The following MYO3B variants were observed in gnomAD, a reference collection of about 807,000 sequenced individuals.
MYO3B encodes myosin IIIB, also known as myosin-IIIb.
In MYO3B, 156 loss-of-function variants were observed where a neutral mutation model predicts 174.6. That is an observed-to-expected ratio of 0.89 (90% confidence interval 0.78 to 1.02). The LOEUF (loss-of-function observed/expected upper bound fraction) is 1.02, where lower values mean the gene tolerates loss of function less well. MYO3B is among the 50% of genes least tolerant of loss of function. The pLI, the probability that MYO3B is intolerant of heterozygous loss-of-function variation, is 0.00. For missense variants in MYO3B, 1,632 were observed against 1,639.4 expected (o/e 1.00, Z 0.08); for synonymous variants, 563 against 569.1 (o/e 0.99, Z 0.15).
chr2:170,424,406 C>A (rs994654641), intron 22 of MYO3B, among the ~76,000 whole-genome samples: 4 of 152,124 alleles, frequency 2.6e-5, no homozygotes, highest in Admixed American at 1.3e-4. Context: ...ATCACAAGGT[C>A]AAGAGTTTGA....
intron 6 of MYO3B, among the ~76,000 whole-genome samples, chr2:170,231,901 C>T (rs1017289013): frequency 6.6e-6 from 1 of 152,142 alleles, no homozygotes; most frequent in African/African-American, 2.4e-5. Context: ...TATTTATTTC[C>T]ACCTTACCAC....
intron 7 of MYO3B, among the ~76,000 whole-genome samples, chr2:170,251,165 C>T (rs1427177510): frequency 6.6e-6 from 1 of 152,042 alleles, no homozygotes; most frequent in Non-Finnish European, 1.5e-5. Context: ...TTGTTTGTCC[C>T]TTCACGATTT....
At position 170,358,962 on chromosome 2, in the gene MYO3B, C is replaced by T. The variant is rs545680877; in HGVS notation, c.816-10260C>T. ...CTCCTCTGCCCTTGTCATCTTATTC[C>T]ACCTGGTAATGAAAATAAATGAGCG... is the stretch of plus-strand genomic sequence containing the variant. On this transcript the variant is annotated intron_variant, in intron 8 of 34. Coordinates refer to ENST00000408978, the MANE Select transcript of MYO3B (RefSeq NM_138995.5). Among the ~76,000 whole-genome samples, 6 of 152,178 alleles carry T rather than the reference C, an allele frequency of 3.9e-5. No individual in the cohort carries two copies. The South Asian group carries it at 1.2e-3, about 32-fold the overall frequency.
At chr2:170,249,750 G>A (rs534351572) in intron 7 of MYO3B, among the ~76,000 whole-genome samples, 18 of 152,258 alleles carry the variant, frequency 1.2e-4, no homozygotes, top group East Asian at 5.8e-4. Flanking sequence ...TCCACTTGTG[G>A]GTTCAGTTCT....
intron 32 of MYO3B, among the ~76,000 whole-genome samples, chr2:170,616,552 C>T (rs1461445580): frequency 6.6e-6 from 1 of 152,194 alleles, no homozygotes; most frequent in Non-Finnish European, 1.5e-5. Context: ...AGGGGGTCTC[C>T]TTACATCTCC....
At chr2:170,266,550 T>C (rs1001158771) in intron 7 of MYO3B, among the ~76,000 whole-genome samples, 1 of 152,212 alleles carries the variant, frequency 6.6e-6, no homozygotes, top group Non-Finnish European at 1.5e-5. Context: ...GCTTTGCATA[T>C]AGAAATGTGC....
At chr2:170,514,489 T>G (rs1688176028) in intron 28 of MYO3B, among the ~76,000 whole-genome samples, 1 of 152,220 alleles carries the variant, frequency 6.6e-6, no homozygotes, top group African/African-American at 2.4e-5. Flanking sequence ...AGCAGCTTCC[T>G]GGGAGAGAGC....
chr2:170,592,680 G>A (rs908530104), intron 32 of MYO3B, among the ~76,000 whole-genome samples: 1 of 152,144 alleles, frequency 6.6e-6, no homozygotes, highest in Non-Finnish European at 1.5e-5. Context: ...TGAGGGCAGG[G>A]CAGGGATCAT....
chr2:170,428,687 T>C (rs2094684813), intron 22 of MYO3B, among the ~76,000 whole-genome samples: 1 of 150,488 alleles, frequency 6.6e-6, no homozygotes, highest in Admixed American at 6.6e-5. Flanking sequence ...GTAGTTCCAT[T>C]TCAGAGAACA....
chr2:170,525,354 C>T (rs926843201), intron 30 of MYO3B, among the ~76,000 whole-genome samples: 7 of 152,164 alleles, frequency 4.6e-5, no homozygotes, highest in African/African-American at 1.7e-4. Flanking sequence ...GGGCTTTGTT[C>T]CCATGATGGT....
rs189604923 is a variant in MYO3B at position 170,182,967 on chromosome 2, A to T, written c.2+4678A>T. ...TCATTTTGTCAAATTCTTAAAAAAA[A>T]ACAAAGCGGCTGGGCGCTGTGGCTC... On this transcript the variant is annotated intron_variant, in intron 1 of 34. Coordinates refer to ENST00000408978, the MANE Select transcript of MYO3B (RefSeq NM_138995.5). Among the ~76,000 whole-genome samples the T allele has an allele frequency of 3.1e-3, 467 of 152,184 alleles. 2 individuals are homozygous for T. The highest frequency in any genetic ancestry group is 0.01 in the African/African-American group (429 of 41,544).
At chr2:170,324,407 T>A (rs1052587310) in intron 7 of MYO3B, among the ~76,000 whole-genome samples, 1 of 152,214 alleles carries the variant, frequency 6.6e-6, no homozygotes, top group Non-Finnish European at 1.5e-5. Context: ...TTCATGCCCA[T>A]CACAAGACAT....
chr2:170,596,667 C>G (rs548816861), intron 32 of MYO3B, among the ~76,000 whole-genome samples: 8 of 152,318 alleles, frequency 5.3e-5, no homozygotes, highest in Admixed American at 1.3e-4. Flanking sequence ...CCCTCTGCCC[C>G]CAAACCACCA....
At chr2:170,399,110 T>G (rs915952909) in intron 16 of MYO3B, among the ~76,000 whole-genome samples, 1 of 151,854 alleles carries the variant, frequency 6.6e-6, no homozygotes, top group Non-Finnish European at 1.5e-5. Flanking sequence ...GGCGTGGTAG[T>G]GCATGTCTGT....
intron 32 of MYO3B, among the ~76,000 whole-genome samples, chr2:170,580,382 A>G (rs1289903748): frequency 6.6e-6 from 1 of 152,212 alleles, no homozygotes; most frequent in African/African-American, 2.4e-5. Context: ...TCATGCCTGT[A>G]ATCCCAACGC....
At chr2:170,402,109 C>T (rs1197174704) in intron 18 of MYO3B, among the ~76,000 whole-genome samples, 4 of 152,162 alleles carry the variant, frequency 2.6e-5, no homozygotes, top group African/African-American at 7.2e-5. Flanking sequence ...AAACTGGGTT[C>T]GCACCCAAAC....
At position 170,319,157 on chromosome 2, in the gene MYO3B, C is replaced by T. The variant is rs73016918; in HGVS notation, c.750-16228C>T. Among the ~76,000 whole-genome samples, 917 of 152,288 alleles carry T rather than the reference C, an allele frequency of 6.0e-3. 13 individuals are homozygous for T. Among genetic ancestry groups the T allele is most frequent in the African/African-American group, 0.021 (866 of 41,560 alleles). ...ACTCTAAACACTTTATGTAGTAGCT[C>T]AATTCTCAAACTGCACTATGAGTTA... is the stretch of plus-strand genomic sequence containing the variant. On this transcript the variant is annotated intron_variant, in intron 7 of 34. Coordinates refer to ENST00000408978, the MANE Select transcript of MYO3B (RefSeq NM_138995.5).
At chr2:170,552,035 C>T (rs1690960041) in intron 32 of MYO3B, among the ~76,000 whole-genome samples, 2 of 152,186 alleles carry the variant, frequency 1.3e-5, no homozygotes, top group Admixed American at 1.3e-4. Context: ...CCCTGTGGAA[C>T]TGTGAGCCAA....
chr2:170,415,204 T>C (rs929594678), intron 22 of MYO3B, among the ~76,000 whole-genome samples: 9 of 152,260 alleles, frequency 5.9e-5, no homozygotes, highest in African/African-American at 2.2e-4. Context: ...TGATGTTAGC[T>C]GTGGGTTTTA....
Sources: gnomAD v4.1 joint callset for allele counts (sites outside exome capture counted in the v4.1 genomes callset) on GRCh38, gnomAD v4.1.1 for gene constraint, MANE v1.5 for transcripts, NCBI Gene and HGNC (gene_info 2026-07-23, HGNC 2026-07-21) for gene names.